SBK1: variants seen among roughly 807,000 people sequenced by gnomAD.
The protein encoded by SBK1 is serine/threonine-protein kinase SBK1.
Under a neutral mutation model 24.4 loss-of-function variants are expected in SBK1, and 11 were observed. The ratio of observed to expected loss-of-function variants is 0.45; its 90% confidence interval spans 0.28 to 0.75. The LOEUF (loss-of-function observed/expected upper bound fraction) is 0.75. Ranked by LOEUF, SBK1 falls within the 30% of genes least tolerant of loss-of-function variation. SBK1 has a pLI of 0.12. For missense variants in SBK1, 467 were observed against 620.5 expected (o/e 0.75, Z 2.63); for synonymous variants, 308 against 284.4 (o/e 1.08, Z -0.83).
chr16:28,272,246 T>G (rs560852702), intron 1 of SBK1, among the ~76,000 whole-genome samples: 1 of 152,152 alleles, frequency 6.6e-6, no homozygotes, highest in East Asian at 1.9e-4. Context: ...ATTTTTAAAT[T>G]TTTTATAGGG....
chr16:28,287,602 A>G (rs1328758918), upstream of SBK1, among the ~76,000 whole-genome samples: 1 of 152,178 alleles, frequency 6.6e-6, no homozygotes, highest in Non-Finnish European at 1.5e-5. Context: ...CGTCAGGGAC[A>G]AAGGACTGCA....
chr16:28,320,001 G>A lies in SBK1; in HGVS notation c.430-75G>A, dbSNP rs529797137. 7.0e-3 allele frequency: 9,646 copies of A among 1,385,674 alleles called. 46 individuals are homozygous for A. Among genetic ancestry groups the A allele is most frequent in the Non-Finnish European group, 8.2e-3 (8,712 of 1,065,250 alleles). 85.8% of individuals were successfully genotyped at this position (1,385,674 alleles called of 1,614,324 possible). A position where few individuals can be genotyped will look rare whatever the true frequency, so the allele number is the denominator to read the frequency against. ...GAGGCGAAAACCGCCTTGCTAGAGA[G>A]GGAGCTGGAGGGGAGGGCGGCGGGG... is the stretch of plus-strand genomic sequence containing the variant. On this transcript the variant is annotated intron_variant, in intron 3 of 3. Coordinates refer to ENST00000341901, the MANE Select transcript of SBK1 (RefSeq NM_001024401.3). The surrounding 1 kb of genome is among the most constrained non-coding windows in gnomAD (Gnocchi z 8.5).
chr16:28,310,770 G>C (rs746731546), intron 1 of SBK1, among the ~76,000 whole-genome samples: 5 of 152,172 alleles, frequency 3.3e-5, no homozygotes, highest in Non-Finnish European at 5.9e-5. Flanking sequence ...CAGGTGGTAA[G>C]TCCTGTGTGA....
intron 1 of SBK1, among the ~76,000 whole-genome samples, chr16:28,311,412 G>A (rs1257761765): frequency 3.3e-5 from 5 of 152,146 alleles, no homozygotes; most frequent in Non-Finnish European, 7.4e-5. Context: ...TTCAGGAATT[G>A]AGGAGATAGA....
chr16:28,280,144 T>TATATATATATATAC (rs1567672155), intron 1 of SBK1, among the ~76,000 whole-genome samples: 5 of 94,950 alleles, frequency 5.3e-5, no homozygotes, highest in African/African-American at 1.9e-4. Flanking sequence ...TATATATATA[T>TATATATATATATAC]ATATATGTGT....
intron 1 of SBK1, among the ~76,000 whole-genome samples, chr16:28,306,549 G>C (rs1355013356): frequency 6.6e-6 from 1 of 152,178 alleles, no homozygotes; most frequent in Admixed American, 6.5e-5. Context: ...AAATCAGAGA[G>C]GCAGATAAAA....
chr16:28,279,757 C>T (rs907020498), intron 1 of SBK1, among the ~76,000 whole-genome samples: 3 of 152,022 alleles, frequency 2.0e-5, no homozygotes, highest in Admixed American at 6.6e-5. Flanking sequence ...AGTCCAGGGT[C>T]GGCACTGAGG....
upstream of SBK1, among the ~76,000 whole-genome samples, chr16:28,287,820 T>A (rs966308057): frequency 6.6e-6 from 1 of 152,086 alleles, no homozygotes; most frequent in Non-Finnish European, 1.5e-5. Context: ...CGTGCCACCA[T>A]GCCCAGCTAA....
intron 1 of SBK1, among the ~76,000 whole-genome samples, chr16:28,310,390 T>A (rs1413781614): frequency 6.6e-6 from 1 of 152,232 alleles, no homozygotes; most frequent in Non-Finnish European, 1.5e-5. Context: ...GAGTTCCCAC[T>A]GAGACTCGGC....
Position 28,292,780 on chromosome 16 carries a change from G to A in SBK1, c.-528G>A. On this transcript the variant is annotated 5_prime_UTR_variant, in exon 1 of 4. Transcript: ENST00000341901. ...CCCTTCCACATCCAGGATCCGGCGAGCCTCGGGGAAGAGGGGGGGCCCTCC... is the reference window on the plus strand; with the variant it reads ...CCCTTCCACATCCAGGATCCGGCGAACCTCGGGGAAGAGGGGGGGCCCTCC... 7.1e-6 allele frequency: 7 copies of A among 985,374 alleles called. No homozygotes were observed. Among genetic ancestry groups the A allele is most frequent in the Non-Finnish European group, 8.4e-6 (7 of 829,892 alleles). 61.0% of individuals were successfully genotyped at this position (985,374 alleles called of 1,614,324 possible). A position where few individuals can be genotyped will look rare whatever the true frequency, so the allele number is the denominator to read the frequency against.
chr16:28,287,505 T>C (rs2044573487), intron 1 of SBK1, among the ~76,000 whole-genome samples: 1 of 151,980 alleles, frequency 6.6e-6, no homozygotes, highest in South Asian at 2.1e-4. Context: ...AGTTTTTTCT[T>C]TGTGTTCCGC....
chr16:28,269,833 A>G (rs1428696249), intron 1 of SBK1, among the ~76,000 whole-genome samples: 1 of 151,898 alleles, frequency 6.6e-6, no homozygotes, highest in Non-Finnish European at 1.5e-5. Flanking sequence ...CCAAGATTGC[A>G]CCACTGCACT....
At chr16:28,275,251 G>A (rs1198266910) in intron 1 of SBK1, among the ~76,000 whole-genome samples, 2 of 152,036 alleles carry the variant, frequency 1.3e-5, no homozygotes, top group Non-Finnish European at 2.9e-5. Context: ...GATTGCTACA[G>A]TGAGCCGTGA....
chr16:28,289,364 A>G (rs2044585105), upstream of SBK1, among the ~76,000 whole-genome samples: 1 of 152,210 alleles, frequency 6.6e-6, no homozygotes, highest in Non-Finnish European at 1.5e-5. Context: ...GTGGGAGAGG[A>G]AGGGAAGACA....
intron 1 of SBK1, among the ~76,000 whole-genome samples, chr16:28,303,468 TCTCA>T (rs1344087903): frequency 1.3e-5 from 2 of 151,674 alleles, no homozygotes; most frequent in African/African-American, 4.8e-5. Context: ...TGTTCTTACT[TCTCA>T]CTATTTCTTT....
chr16:28,305,541 T>C (rs919627980), intron 1 of SBK1, among the ~76,000 whole-genome samples: 5 of 150,194 alleles, frequency 3.3e-5, no homozygotes, highest in Admixed American at 6.6e-5. Context: ...TTGTTTCTTT[T>C]TTTTTTTTTT....
chr16:28,288,551 C>G (rs369110779), upstream of SBK1, among the ~76,000 whole-genome samples: 28 of 152,364 alleles, frequency 1.8e-4, no homozygotes, highest in African/African-American at 6.5e-4. Context: ...TTTCTTTCTT[C>G]ACTATCCATT....
At chr16:28,285,416 A>C (rs1166116428) in intron 1 of SBK1, 3 of 152,242 alleles carry the variant, frequency 2.0e-5, no homozygotes, top group African/African-American at 7.2e-5. Context: ...TTAGCCAGGC[A>C]CGGTGGCGTG....
intron 1 of SBK1, among the ~76,000 whole-genome samples, chr16:28,283,063 G>A (rs910943885): frequency 1.3e-5 from 2 of 152,040 alleles, no homozygotes; most frequent in African/African-American, 4.8e-5. Context: ...CTCCCGAGTA[G>A]CTGAGATTAC....
Sources: allele counts gnomAD v4.1 joint callset (sites outside exome capture counted in the v4.1 genomes callset), GRCh38; gene constraint gnomAD v4.1.1; non-coding constraint Gnocchi (gnomAD v3.1); transcripts MANE v1.5; gene names NCBI Gene and HGNC (gene_info 2026-07-23, HGNC 2026-07-21).